ADD1: variants seen among roughly 807,000 people sequenced by gnomAD.
ADD1 encodes alpha-adducin.
Under a neutral mutation model 80.5 loss-of-function variants are expected in ADD1, and 24 were observed. The ratio of observed to expected loss-of-function variants is 0.30; its 90% confidence interval spans 0.22 to 0.42. ADD1 has a LOEUF of 0.42. Ranked by LOEUF, ADD1 falls within the 10% of genes least tolerant of loss-of-function variation. ADD1 has a pLI of 1.00. For synonymous variants in ADD1, 373 were observed against 393.8 expected (o/e 0.95, Z 0.63); for missense variants, 948 against 1,019.0 (o/e 0.93, Z 0.95).
chr4:2,863,452 GTATT>G (rs1213311200), intron 1 of ADD1, among the ~76,000 whole-genome samples: 2 of 152,164 alleles, frequency 1.3e-5, no homozygotes, highest in Middle Eastern at 3.4e-3. Context: ...ATGAGAAACA[GTATT>G]TAATGTATTT....
chr4:2,926,134 C>T lies in ADD1; in HGVS notation c.2047+22C>T. 1 of 1,605,482 alleles carries T rather than the reference C, an allele frequency of 6.2e-7. No individual in the cohort carries two copies. On this transcript the variant is annotated intron_variant, in intron 15 of 15. Transcript: ENST00000683351. The surrounding 1 kb of genome is among the most constrained non-coding windows in gnomAD (Gnocchi z 5.0). ...GAAGGTGAGCTCTGGGTGGCAGCGG[C>T]CGCCACTGTGGGAGGGTGCACGGCT... is the stretch of plus-strand genomic sequence containing the variant.
intron 13 of ADD1, among the ~76,000 whole-genome samples, chr4:2,914,177 G>C (rs879901350): frequency 6.6e-6 from 1 of 152,142 alleles, no homozygotes; most frequent in Non-Finnish European, 1.5e-5. Context: ...TGAGTGGACC[G>C]CACCCCCTGA....
chr4:2,859,049 C>A (rs575975536), intron 1 of ADD1, among the ~76,000 whole-genome samples: 3 of 152,060 alleles, frequency 2.0e-5, no homozygotes, highest in Non-Finnish European at 4.4e-5. Context: ...TTGGGCCCTG[C>A]GCCTCTATGT....
At chr4:2,873,639 C>G (rs977293487) in intron 1 of ADD1, among the ~76,000 whole-genome samples, 10 of 152,200 alleles carry the variant, frequency 6.6e-5, no homozygotes, top group Admixed American at 2.6e-4. Context: ...ATAGTTACCT[C>G]TAAAATATAC....
rs756947790 is a variant in ADD1 at position 2,928,275 on chromosome 4, CCAATGTTAGAGAAGGAGGAGGAAG to C, written c.2154_2177del (p.Met719_Ala726del). 6.2e-7 allele frequency: 1 copy of C among 1,614,072 alleles called. No individual in the cohort carries two copies. Among genetic ancestry groups the C allele is most frequent in the East Asian group, 2.2e-5 (1 of 44,850 alleles). ...TGAACCTTCAGAAGCACTCGGCTTC[CCAATGTTAGAGAAGGAGGAGGAAG>C]CCCATAGACCCCCAAGCCCCACTGA... On this transcript the variant is annotated inframe_deletion, in exon 16 of 16. Coordinates refer to ENST00000683351, the MANE Select transcript of ADD1 (RefSeq NM_001354761.2).
Position 2,929,878 on chromosome 4 carries a change from C to T in ADD1, c.*1355C>T, listed in dbSNP as rs1577784168. ...AATGAAAAGTCCTTAACCGTGGACT[C>T]TTCCTTTATCCCCTCCTTTACCCCA... is the stretch of plus-strand genomic sequence containing the variant. On this transcript the variant is annotated 3_prime_UTR_variant, in exon 16 of 16. Coordinates refer to ENST00000683351, the MANE Select transcript of ADD1 (RefSeq NM_001354761.2). 2 of 152,788 alleles carry T rather than the reference C, an allele frequency of 1.3e-5. No homozygotes were observed. The highest frequency in any genetic ancestry group is 6.5e-5 in the Admixed American group (1 of 15,308). The allele number at this position is 152,788 out of a possible 1,614,324, so 9.5% of individuals were successfully genotyped here. A position where few individuals can be genotyped will look rare whatever the true frequency, so the allele number is the denominator to read the frequency against.
chr4:2,849,213 A>G lies in ADD1; in HGVS notation c.-21+5189A>G, dbSNP rs530373401. 2.0e-5 allele frequency among the ~76,000 whole-genome samples: 3 copies of G among 152,336 alleles called. No individual in the cohort carries two copies. The South Asian group carries it at 6.2e-4, about 32-fold the overall frequency. Reference sequence around the variant, plus strand: ...TTAAATGAAGTAAATGCCAAAAGGTACCTACTAAGCTGTCAGCAAATGACT... The same window carrying G: ...TTAAATGAAGTAAATGCCAAAAGGTGCCTACTAAGCTGTCAGCAAATGACT... On this transcript the variant is annotated intron_variant, in intron 1 of 15. Transcript: ENST00000683351.
chr4:2,898,697 CTGAT>C, intron 8 of ADD1, 166 bp downstream of exon 8: 1 of 645,634 alleles, frequency 1.5e-6, no homozygotes, highest in Admixed American at 2.8e-5. Flanking sequence ...TGCTGTTTCA[CTGAT>C]TGAAGTTGGC....
rs1159439670 is a variant in ADD1 at position 2,926,166 on chromosome 4, C to T, written c.2047+54C>T. The stretch of plus-strand genomic sequence containing the variant: ...TGTGGGAGGGTGCACGGCTCGTGCG[C>T]GCTGTGGCGGAATGTGGCGGGAGTC... On this transcript the variant is annotated intron_variant, in intron 15 of 15. Coordinates refer to ENST00000683351, the MANE Select transcript of ADD1 (RefSeq NM_001354761.2). The surrounding 1 kb of genome is among the most constrained non-coding windows in gnomAD (Gnocchi z 5.0). The T allele has an allele frequency of 4.0e-6, 6 of 1,493,976 alleles. No individual in the cohort carries two copies. The highest frequency in any genetic ancestry group is 2.3e-5 in the South Asian group (2 of 88,374). The allele number at this position is 1,493,976 out of a possible 1,614,324, so 92.5% of individuals were successfully genotyped here.
chr4:2,907,745 G>C lies in ADD1; in HGVS notation c.1509G>C (p.Trp503Cys), dbSNP rs1445163638. Residue 503 changes from tryptophan to cysteine, a missense_variant and splice_region_variant, in exon 11 of 16, where the codon TGG becomes TGC. Physicochemically the swap from Trp to Cys is radical, Grantham distance 215 (BLOSUM62 -2). Transcript: ENST00000683351. The stretch of plus-strand genomic sequence containing the variant: ...TTCAACTGTTCTTGATATTACAGTG[G>C]ACTAAAGAGGATGGACATAGAACTT... ...CVPSCITNCL[W>C]TKEDGHRTST... 6.2e-7 allele frequency: 1 copy of C among 1,613,194 alleles called. No individual in the cohort carries two copies. Among genetic ancestry groups the C allele is most frequent in the African/African-American group, 1.3e-5 (1 of 74,898 alleles).
chr4:2,909,271 C>G, intron 12 of ADD1, 68 bp from the exon 13 acceptor site: 1 of 1,347,702 alleles, frequency 7.4e-7, no homozygotes, highest in African/African-American at 1.5e-5. Flanking sequence ...CAGCTCCATC[C>G]TGTGCTCTCA....
chr4:2,885,161 G>A (rs1733043023), intron 4 of ADD1, among the ~76,000 whole-genome samples: 1 of 152,166 alleles, frequency 6.6e-6, no homozygotes, highest in African/African-American at 2.4e-5. Context: ...CTTGTGGACA[G>A]TCACTTCTTC....
intron 1 of ADD1, 30 bp downstream of exon 1, chr4:2,844,054 C>T (rs1490713006): frequency 1.3e-5 from 2 of 148,402 alleles, no homozygotes; most frequent in Non-Finnish European, 1.5e-5. Context: ...GCGGCGGGGG[C>T]CCGGTTCGGG....
intron 14 of ADD1, among the ~76,000 whole-genome samples, chr4:2,922,436 A>C (rs1400167589): frequency 6.6e-6 from 1 of 152,194 alleles, no homozygotes; most frequent in Non-Finnish European, 1.5e-5. Context: ...GGTCGACTCC[A>C]GGCCCTGTTT....
chr4:2,924,068 C>G (rs1236737940), intron 14 of ADD1, among the ~76,000 whole-genome samples: 1 of 152,236 alleles, frequency 6.6e-6, no homozygotes, highest in Non-Finnish European at 1.5e-5. Context: ...GGTGAAAATG[C>G]TGACTGCCCT....
At chr4:2,896,751 C>T (rs576790652) in intron 6 of ADD1, among the ~76,000 whole-genome samples, 40 of 152,016 alleles carry the variant, frequency 2.6e-4, no homozygotes, top group African/African-American at 3.4e-4. Context: ...ACAGCTATCA[C>T]GTAACGTGTT....
chr4:2,866,982 G>GGAT (rs1273792297), intron 1 of ADD1, among the ~76,000 whole-genome samples: 1 of 152,146 alleles, frequency 6.6e-6, no homozygotes, highest in Non-Finnish European at 1.5e-5. Flanking sequence ...TGAGATGGGA[G>GGAT]GATCACTTGA....
chr4:2,870,171 A>G (rs1316147352), intron 1 of ADD1, among the ~76,000 whole-genome samples: 1 of 152,240 alleles, frequency 6.6e-6, no homozygotes, highest in Non-Finnish European at 1.5e-5. Flanking sequence ...AATCTGTCCA[A>G]AAGTTTCAGA....
At chr4:2,851,669 G>A (rs965922655) in intron 1 of ADD1, among the ~76,000 whole-genome samples, 2 of 152,144 alleles carry the variant, frequency 1.3e-5, no homozygotes, top group Non-Finnish European at 2.9e-5. Flanking sequence ...AGTTATTCAA[G>A]TTATTGTCAC....
Sources: gnomAD v4.1 joint callset for allele counts (sites outside exome capture counted in the v4.1 genomes callset) on GRCh38, gnomAD v4.1.1 for gene constraint, Gnocchi (gnomAD v3.1) non-coding constraint, MANE v1.5 for transcripts, NCBI Gene and HGNC (gene_info 2026-07-23, HGNC 2026-07-21) for gene names.